LGMN: variants seen among roughly 807,000 people sequenced by gnomAD.
The protein encoded by LGMN is legumain.
A neutral mutation model predicts 56.8 loss-of-function variants in LGMN; 36 were observed. The observed-to-expected ratio is 0.63, with a 90% CI of 0.49 to 0.84. LGMN has a LOEUF of 0.84. Ranked by LOEUF, LGMN falls within the 40% of genes least tolerant of loss-of-function variation. LGMN has a pLI of 0.00. For missense variants in LGMN, 446 were observed against 556.1 expected (o/e 0.80, Z 1.99); for synonymous variants, 199 against 210.1 (o/e 0.95, Z 0.46).
At chr14:92,719,603 G>A (rs1890355169) in intron 2 of LGMN, among the ~76,000 whole-genome samples, 1 of 152,182 alleles carries the variant, frequency 6.6e-6, no homozygotes, top group African/African-American at 2.4e-5. Context: ...TACTTTGTCT[G>A]CCAAAGACAC....
Position 92,718,837 on chromosome 14 carries a change from G to C in LGMN, c.146C>G (p.Ala49Gly), listed in dbSNP as rs753942789. 6.2e-7 allele frequency: 1 copy of C among 1,611,512 alleles called. No individual in the cohort carries two copies. Among genetic ancestry groups the C allele is most frequent in the Non-Finnish European group, 8.5e-7 (1 of 1,177,898 alleles). Residue 49 changes from alanine to glycine, a missense_variant, in exon 3 of 14, where the codon GCG becomes GGG. Ala to Gly is a moderately conservative substitution (Grantham distance 60). Transcript: ENST00000334869. ...GWYNYRHQAD[A>G]CHAYQIIHRN... Reference sequence around the variant, plus strand: ...GTGAATGATCTGGTAGGCATGGCACGCGTCTGCCTGGGAGAAATGATTTGG... The same window carrying C: ...GTGAATGATCTGGTAGGCATGGCACCCGTCTGCCTGGGAGAAATGATTTGG...
In LGMN at chr14:92,732,834, A is replaced by C. The variant is rs746285095; in HGVS notation, c.-29-19T>G. 33 of 1,594,620 alleles carry C rather than the reference A, an allele frequency of 2.1e-5. No individual in the cohort carries two copies. In the Middle Eastern group the frequency reaches 8.3e-4, roughly 40 times the overall value. ...CAGACACCTGAGAAGGGAAACACAG[A>C]GTCAAGTACAAAGCAACAAGAACTG... On this transcript the variant is annotated intron_variant, in intron 1 of 13. Transcript: ENST00000334869.
chr14:92,719,260 G>GCCA (rs1188291041), intron 2 of LGMN, among the ~76,000 whole-genome samples: 1,012 of 12,452 alleles, frequency 0.081, 56 homozygotes, highest in East Asian at 0.34. Context: ...CACCACCACC[G>GCCA]CCACCGCCGC....
rs750244950 is a variant in LGMN at position 92,718,875 on chromosome 14, T to A, written c.139-31A>T. Reference sequence around the variant, plus strand: ...AGAAATGATTTGGTGAAGTTTTAGATCTTGCCTGGGAGGCCAATTTTGGAG... The same window carrying A: ...AGAAATGATTTGGTGAAGTTTTAGAACTTGCCTGGGAGGCCAATTTTGGAG... On this transcript the variant is annotated intron_variant, in intron 2 of 13. Coordinates refer to ENST00000334869, the MANE Select transcript of LGMN (RefSeq NM_005606.7). The A allele has an allele frequency of 6.3e-6, 10 of 1,583,786 alleles. No homozygotes were observed. In the East Asian group the frequency reaches 2.0e-4, roughly 32 times the overall value.
intron 1 of LGMN, among the ~76,000 whole-genome samples, chr14:92,744,661 T>C (rs1460006561): frequency 6.7e-6 from 1 of 149,988 alleles, no homozygotes; most frequent in African/African-American, 2.5e-5. Context: ...AACGGCACGA[T>C]CTTGGCTCAC....
intron 8 of LGMN, among the ~76,000 whole-genome samples, 155 bp from the exon 9 acceptor site, chr14:92,712,110 T>C (rs534548619): frequency 6.6e-6 from 1 of 152,310 alleles, no homozygotes; most frequent in South Asian, 2.1e-4. Context: ...CCCAGACTTG[T>C]GTATTCGATT....
At chr14:92,743,272 C>T (rs1007108126) in intron 1 of LGMN, among the ~76,000 whole-genome samples, 12 of 151,970 alleles carry the variant, frequency 7.9e-5, no homozygotes, top group South Asian at 2.1e-4. Context: ...GAGGCCAAGG[C>T]GGGTGGATCA....
chr14:92,712,755 G>T, intron 8 of LGMN, 50 bp downstream of exon 8: 1 of 1,571,966 alleles, frequency 6.4e-7, no homozygotes, highest in South Asian at 1.1e-5. Context: ...AGCGGTGTCT[G>T]AGCAACCTGC....
At chr14:92,711,582 G>A (rs1889770752) in intron 10 of LGMN, 77 bp downstream of exon 10, 1 of 1,270,478 alleles carries the variant, frequency 7.9e-7, no homozygotes, top group African/African-American at 1.5e-5. Context: ...TGTCTCTTTA[G>A]CAAGAGATCA....
chr14:92,719,207 C>A lies in LGMN; in HGVS notation c.139-363G>T, dbSNP rs866905281. On this transcript the variant is annotated intron_variant, in intron 2 of 13. Coordinates refer to ENST00000334869, the MANE Select transcript of LGMN (RefSeq NM_005606.7). ...ATCACCACCACCGCCACCAACACCA[C>A]CACCGCCACCAACACCACCACCGCC... Among the ~76,000 whole-genome samples, 1,214 of 137,820 alleles carry A rather than the reference C, an allele frequency of 8.8e-3. 50 individuals are homozygous for A. Among genetic ancestry groups the A allele is most frequent in the African/African-American group, 0.035 (1,157 of 33,372 alleles). The allele number at this position is 137,820 out of a possible 152,430, so 90.4% of individuals were successfully genotyped here.
rs754609420 is a variant in LGMN at position 92,732,766 on chromosome 14, T to C, written c.21A>G (p.Val7=). MVWKVA[V]FLSVALGIGA... is the part of the protein sequence containing the mutation. ...CAATGCCCAGGGCCACACTGAGGAA[T>C]ACAGCTACTTTCCAAACCATTCTGC... Residue 7 remains valine (V), a synonymous_variant, in exon 2 of 14, where the codon GTA becomes GTG. Transcript: ENST00000334869. 1 of 1,613,844 alleles carries C rather than the reference T, an allele frequency of 6.2e-7. No homozygotes were observed. The highest frequency in any genetic ancestry group is 8.5e-7 in the Non-Finnish European group (1 of 1,179,998).
intron 2 of LGMN, among the ~76,000 whole-genome samples, chr14:92,719,239 A>ACCGCCACCACCG (rs1566924029): frequency 4.7e-5 from 1 of 21,442 alleles, no homozygotes; most frequent in Non-Finnish European, 8.5e-5. Context: ...CGCCACCGCC[A>ACCGCCACCACCG]CCACCGCCAC....
intron 1 of LGMN, among the ~76,000 whole-genome samples, chr14:92,736,992 TG>T (rs1261496182): frequency 1.3e-5 from 2 of 152,068 alleles, no homozygotes; most frequent in Non-Finnish European, 2.9e-5. Context: ...ACTACCAAGG[TG>T]TTCCAACCAA....
At position 92,716,202 on chromosome 14, in the gene LGMN, A is replaced by T; in HGVS notation, c.338T>A (p.Phe113Tyr). The change falls in exon 5 of 14, where the codon TTC (phenylalanine) becomes TAC (tyrosine). Residue 113 changes from phenylalanine to tyrosine, a missense_variant. Physicochemically the swap from Phe to Tyr is conservative, Grantham distance 22. Transcript: ENST00000334869. ...TGCATCGCCTCTCAACACAGCAAGGAAATTTTGTGGGGTAACATCCTACAA... is the reference window on the plus strand; with the variant it reads ...TGCATCGCCTCTCAACACAGCAAGGTAATTTTGTGGGGTAACATCCTACAA... ...YTGEDVTPQN[F>Y]LAVLRGDAEA... The T allele has an allele frequency of 6.2e-7, 1 of 1,613,528 alleles. No homozygotes were observed. Among genetic ancestry groups the T allele is most frequent in the South Asian group, 1.1e-5 (1 of 91,078 alleles).
chr14:92,712,980 G>A (rs1889873882), intron 7 of LGMN, 109 bp from the exon 8 acceptor site: 1 of 957,040 alleles, frequency 1.0e-6, no homozygotes, highest in Non-Finnish European at 1.6e-6. Context: ...AGTCCTCCAG[G>A]CTTGCTTCTG....
At chr14:92,717,579 C>A (rs4900142) in intron 3 of LGMN, 118 bp from the exon 4 acceptor site, 40 of 727,346 alleles carry the variant, frequency 5.5e-5, no homozygotes, top group Admixed American at 2.6e-4. Flanking sequence ...AAAGAAACAA[C>A]TTATGGCCTG....
chr14:92,720,950 G>A (rs938126941), intron 2 of LGMN, among the ~76,000 whole-genome samples: 15 of 151,988 alleles, frequency 9.9e-5, no homozygotes, highest in Non-Finnish European at 5.9e-5. Context: ...GAGTGCACAG[G>A]TGCAATCTCA....
At position 92,739,549 on chromosome 14, in the gene LGMN, C is replaced by T. The variant is rs146916215; in HGVS notation, c.-29-6734G>A. 3.7e-3 allele frequency among the ~76,000 whole-genome samples: 559 copies of T among 152,326 alleles called. 4 individuals carry two copies. Among genetic ancestry groups the T allele is most frequent in the African/African-American group, 0.013 (541 of 41,566 alleles). On this transcript the variant is annotated intron_variant, in intron 1 of 13. Transcript: ENST00000334869. ...AACAGTGAACCAAACAGACAAAACTCTTCGTGGAGGTGGCATTCCAGAGAG... is the reference window on the plus strand; with the variant it reads ...AACAGTGAACCAAACAGACAAAACTTTTCGTGGAGGTGGCATTCCAGAGAG...
At chr14:92,707,195 C>T (rs1056372395) in intron 11 of LGMN, among the ~76,000 whole-genome samples, 4 of 151,662 alleles carry the variant, frequency 2.6e-5, no homozygotes, top group African/African-American at 9.7e-5. Flanking sequence ...AGTTCCAGAC[C>T]GGCCTGGGCA....
Sources: gnomAD v4.1 joint callset for allele counts (sites outside exome capture counted in the v4.1 genomes callset) on GRCh38, gnomAD v4.1.1 for gene constraint, MANE v1.5 for transcripts, NCBI Gene and HGNC (gene_info 2026-07-23, HGNC 2026-07-21) for gene names.